The following RTL4 variants were observed in gnomAD, a reference collection of about 807,000 sequenced individuals.
RTL4 encodes the protein retrotransposon Gag-like protein 4.
A neutral mutation model predicts 5.3 loss-of-function variants in RTL4; 4 were observed. That is an observed-to-expected ratio of 0.75 (90% CI 0.37 to 1.72). The LOEUF is 1.72. RTL4 is among the 40% of genes most tolerant of loss of function. RTL4 has a pLI of 0.04. For missense variants in RTL4, 260 were observed against 227.1 expected (o/e 1.14, Z -0.93); for synonymous variants, 98 against 87.3 (o/e 1.12, Z -0.68).
the RTL4 span, among the ~76,000 whole-genome samples, chrX:112,140,028 A>G: frequency 8.9e-6 from 1 of 111,894 alleles, no homozygotes; most frequent in African/African-American, 3.2e-5. Context: ...TTTTCTTCCC[A>G]GTCTTGGCTT....
At chrX:112,218,091 C>T in the RTL4 span, among the ~76,000 whole-genome samples, 4 of 110,874 alleles carry the variant, frequency 3.6e-5, no homozygotes. Context: ...GAAACAAAAA[C>T]GGAAGTAGGG....
At chrX:112,397,036 A>G in the RTL4 span, among the ~76,000 whole-genome samples, 2 of 111,991 alleles carry the variant, frequency 1.8e-5, no homozygotes, top group African/African-American at 6.5e-5. Context: ...CTCCATGTGA[A>G]GTTATTCTAC....
At chrX:112,193,899 A>C in the RTL4 span, among the ~76,000 whole-genome samples, 2 of 112,376 alleles carry the variant, frequency 1.8e-5, no homozygotes, top group Admixed American at 9.5e-5. Flanking sequence ...CTCATTGAGA[A>C]TATCCTGAAT....
the RTL4 span, among the ~76,000 whole-genome samples, chrX:112,248,052 C>A: frequency 8.9e-6 from 1 of 112,330 alleles, no homozygotes; most frequent in South Asian, 3.7e-4. Flanking sequence ...AGTTTTTAGA[C>A]AAAAGAAATA....
At chrX:112,329,653 A>T in the RTL4 span, among the ~76,000 whole-genome samples, 1 of 110,925 alleles carries the variant, frequency 9.0e-6, no homozygotes, top group Admixed American at 9.5e-5. Context: ...TCCCTAACTC[A>T]TTTTATGAGG....
At chrX:112,302,518 A>G in the RTL4 span, among the ~76,000 whole-genome samples, 9 of 112,191 alleles carry the variant, frequency 8.0e-5, no homozygotes, top group Non-Finnish European at 1.5e-4. Flanking sequence ...AGTGATGGCT[A>G]CAAATAATGT....
the RTL4 span, among the ~76,000 whole-genome samples, chrX:112,434,629 C>T: frequency 9.0e-6 from 1 of 111,395 alleles, no homozygotes; most frequent in Non-Finnish European, 1.9e-5. Flanking sequence ...CTCTTTTCTT[C>T]TTTATTAGTC....
At chrX:112,191,446 T>A in the RTL4 span, among the ~76,000 whole-genome samples, 2 of 111,616 alleles carry the variant, frequency 1.8e-5, no homozygotes, top group African/African-American at 3.3e-5. Context: ...CCACTCTGTA[T>A]CTGTGGCTTT....
the RTL4 span, among the ~76,000 whole-genome samples, chrX:112,200,523 G>A: frequency 8.9e-6 from 1 of 111,796 alleles, no homozygotes. Flanking sequence ...TAGAATTCCG[G>A]CCAAAAACTA....
At chrX:112,330,805 A>G in the RTL4 span, among the ~76,000 whole-genome samples, 1 of 111,599 alleles carries the variant, frequency 9.0e-6, no homozygotes, top group Middle Eastern at 4.6e-3. Context: ...GTACCAAAAC[A>G]GAGATATAGA....
chrX:112,124,605 A>G, the RTL4 span, among the ~76,000 whole-genome samples: 1 of 108,977 alleles, frequency 9.2e-6, no homozygotes, highest in African/African-American at 3.3e-5. Flanking sequence ...GTTCTCACTC[A>G]TAAGTGGGAG....
chrX:112,330,873 C>T, the RTL4 span, among the ~76,000 whole-genome samples: 1 of 111,112 alleles, frequency 9.0e-6, no homozygotes, highest in Non-Finnish European at 1.9e-5. Flanking sequence ...ACTATCTGAT[C>T]TTTGACAAAC....
the RTL4 span, among the ~76,000 whole-genome samples, chrX:112,427,000 C>G: frequency 9.0e-6 from 1 of 111,166 alleles, no homozygotes; most frequent in East Asian, 2.8e-4. Context: ...GCAGTGAATT[C>G]TACAAAACAT....
chrX:112,340,743 G>T, the RTL4 span, among the ~76,000 whole-genome samples: 6 of 110,372 alleles, frequency 5.4e-5, no homozygotes, highest in Non-Finnish European at 1.1e-4. Context: ...TTGAGACAGG[G>T]TCTCATTCTG....
At chrX:112,202,242 G>A in the RTL4 span, among the ~76,000 whole-genome samples, 5 of 111,486 alleles carry the variant, frequency 4.5e-5, no homozygotes, top group African/African-American at 1.3e-4. Context: ...TTTTGGAGTT[G>A]GCTTTTCTTC....
At chrX:112,300,091 T>TATCTATCTATCTATCTATCC in the RTL4 span, among the ~76,000 whole-genome samples, 1 of 111,500 alleles carries the variant, frequency 9.0e-6, no homozygotes, top group Non-Finnish European at 1.9e-5. Flanking sequence ...ATATAAAATC[T>TATCTATCTATCTATCTATCC]ATCTATCTAT....
chrX:112,178,418 C>A, the RTL4 span, among the ~76,000 whole-genome samples: 1 of 111,406 alleles, frequency 9.0e-6, no homozygotes, highest in African/African-American at 3.3e-5. Context: ...TGAGTGAAAT[C>A]TAGTAGCTTA....
the RTL4 span, among the ~76,000 whole-genome samples, chrX:112,213,401 A>T: frequency 1.8e-5 from 2 of 112,764 alleles, no homozygotes; most frequent in Admixed American, 9.4e-5. Flanking sequence ...CCACTATCAT[A>T]GTATGAGATT....
the RTL4 span, among the ~76,000 whole-genome samples, chrX:112,171,222 T>C: frequency 9.0e-6 from 1 of 111,386 alleles, no homozygotes; most frequent in Non-Finnish European, 1.9e-5. Flanking sequence ...TTTTTGATTG[T>C]TGTTGTATCT....
Sources: gnomAD v4.1 joint callset for allele counts (sites outside exome capture counted in the v4.1 genomes callset) on GRCh38, gnomAD v4.1.1 for gene constraint, MANE v1.5 for transcripts, NCBI Gene and HGNC (gene_info 2026-07-23, HGNC 2026-07-21) for gene names.